The following TBC1D4 variants were observed in gnomAD, a reference collection of about 807,000 sequenced individuals.
TBC1D4 encodes TBC (Tre-2, BUB2, CDC16) domain-containing protein.
A neutral mutation model predicts 142.5 loss-of-function variants in TBC1D4; 121 were observed. The observed-to-expected ratio is 0.85, with a 90% confidence interval of 0.73 to 0.99. The LOEUF is 0.99. Among genes scored for constraint, TBC1D4 ranks in the 50% least tolerant of loss-of-function variants. The probability of loss-of-function intolerance (pLI) is 0.00; values close to 1 mark genes in which losing one functional copy is unlikely to be tolerated. For synonymous variants in TBC1D4, 630 were observed against 628.2 expected (o/e 1.00, Z -0.04); for missense variants, 1,475 against 1,606.6 (o/e 0.92, Z 1.40).
chr13:75,411,610 C>A (rs1241137310), intron 1 of TBC1D4, among the ~76,000 whole-genome samples: 1 of 152,034 alleles, frequency 6.6e-6, no homozygotes, highest in Non-Finnish European at 1.5e-5. Context: ...ACTGCAACCT[C>A]TGCCTCCTGG....
chr13:75,404,218 T>C, intron 1 of TBC1D4, among the ~76,000 whole-genome samples: 1 of 152,206 alleles, frequency 6.6e-6, no homozygotes, highest in Admixed American at 6.5e-5. Flanking sequence ...ATACATAGTA[T>C]TATTGTAGTA....
Position 75,333,885 on chromosome 13 carries a change from A to G in TBC1D4, c.1731+3036T>C, listed in dbSNP as rs372752347. Among the ~76,000 whole-genome samples the G allele has an allele frequency of 3.0e-4, 46 of 152,120 alleles. No individual in the cohort carries two copies. In the East Asian group the frequency reaches 3.1e-3, roughly 10 times the overall value. ...TTGTTATTTTGTAGACTCCACCTCAATTTGGGTTTGTTGACATTTCCCCTT... is the reference window on the plus strand; with the variant it reads ...TTGTTATTTTGTAGACTCCACCTCAGTTTGGGTTTGTTGACATTTCCCCTT... On this transcript the variant is annotated intron_variant, in intron 8 of 20. Coordinates refer to ENST00000377636, the MANE Select transcript of TBC1D4 (RefSeq NM_014832.5).
chr13:75,417,897 T>C (rs1327606218), intron 1 of TBC1D4, among the ~76,000 whole-genome samples: 1 of 152,186 alleles, frequency 6.6e-6, no homozygotes, highest in Non-Finnish European at 1.5e-5. Context: ...TATGCAATCT[T>C]GAGTAAGTCA....
At chr13:75,295,351 G>GA (rs879847527) in intron 17 of TBC1D4, among the ~76,000 whole-genome samples, 2 of 152,132 alleles carry the variant, frequency 1.3e-5, no homozygotes, top group African/African-American at 4.8e-5. Context: ...GAACCTCATA[G>GA]AAAATCCCTT....
At chr13:75,349,984 C>T in intron 4 of TBC1D4, among the ~76,000 whole-genome samples, 1 of 152,258 alleles carries the variant, frequency 6.6e-6, no homozygotes. Flanking sequence ...TTTTTTGTTC[C>T]TCCATGACCC....
intron 1 of TBC1D4, among the ~76,000 whole-genome samples, chr13:75,387,243 C>T (rs750565195): frequency 1.6e-4 from 24 of 152,098 alleles, no homozygotes; most frequent in Non-Finnish European, 2.6e-4. Context: ...ACTCAATCTG[C>T]CATGACATGA....
intron 1 of TBC1D4, among the ~76,000 whole-genome samples, chr13:75,407,738 T>A (rs1299945993): frequency 6.6e-6 from 1 of 151,944 alleles, no homozygotes. Context: ...TTTTTCTCTA[T>A]CCCAGTTAGT....
chr13:75,307,869 T>A lies in TBC1D4; in HGVS notation c.2594-1398A>T, dbSNP rs531187930. ...GCTTTATATTTCTCTGATAACCAAG[T>A]AATTTTTTAAAAGGTGTGGCTTTAT... On this transcript the variant is annotated intron_variant, in intron 14 of 20. Transcript: ENST00000377636. Among the ~76,000 whole-genome samples the A allele has an allele frequency of 3.9e-4, 60 of 152,338 alleles. 1 individual carries two copies. The South Asian group carries it at 0.012, about 31-fold the overall frequency.
intron 1 of TBC1D4, among the ~76,000 whole-genome samples, chr13:75,403,738 CTGTT>C (rs1885205536): frequency 6.6e-6 from 1 of 152,166 alleles, no homozygotes; most frequent in South Asian, 2.1e-4. Flanking sequence ...TTTCCCATCT[CTGTT>C]TGTGCTTACT....
At chr13:75,357,487 C>A (rs1882145419) in intron 3 of TBC1D4, among the ~76,000 whole-genome samples, 1 of 152,180 alleles carries the variant, frequency 6.6e-6, no homozygotes, top group African/African-American at 2.4e-5. Context: ...CTCACCTCCC[C>A]AACTCCAGCC....
intron 1 of TBC1D4, among the ~76,000 whole-genome samples, chr13:75,468,379 C>T (rs1405573569): frequency 2.6e-5 from 4 of 152,124 alleles, no homozygotes; most frequent in African/African-American, 4.8e-5. Flanking sequence ...TGAACTGAAA[C>T]TAAAAATAAA....
At chr13:75,294,020 T>C (rs1875615893) in intron 18 of TBC1D4, among the ~76,000 whole-genome samples, 1 of 152,178 alleles carries the variant, frequency 6.6e-6, no homozygotes, top group Non-Finnish European at 1.5e-5. Flanking sequence ...TATCAGAACA[T>C]AAAAATTAAG....
intron 1 of TBC1D4, among the ~76,000 whole-genome samples, chr13:75,419,585 T>C (rs916413009): frequency 1.3e-5 from 2 of 152,148 alleles, no homozygotes; most frequent in Non-Finnish European, 1.5e-5. Flanking sequence ...ATTTCTGAAA[T>C]TACAGCAGGA....
intron 14 of TBC1D4, 60 bp from the exon 15 acceptor site, chr13:75,306,531 G>A (rs2297209): frequency 0.5 from 799,863 of 1,585,050 alleles, 205,321 homozygotes; most frequent in South Asian, 0.65. Context: ...AACTTTAGAC[G>A]TTTGATTGTA....
chr13:75,409,771 G>A (rs1885519612), intron 1 of TBC1D4, among the ~76,000 whole-genome samples: 1 of 152,162 alleles, frequency 6.6e-6, no homozygotes, highest in South Asian at 2.1e-4. Context: ...CTTCTCTTTA[G>A]ACATGTATGT....
chr13:75,322,945 T>C (rs1843464559), intron 11 of TBC1D4, among the ~76,000 whole-genome samples: 1 of 152,180 alleles, frequency 6.6e-6, no homozygotes, highest in Non-Finnish European at 1.5e-5. Flanking sequence ...AAATTCACTG[T>C]TGGAACATGA....
rs1566381856 is a variant in TBC1D4, at chr13:75,326,418, G to A, written c.1812C>T (p.Tyr604=). The change falls in exon 10 of 21, where the codon TAC becomes TAT. Residue 604 remains tyrosine (Y), a synonymous_variant. Coordinates refer to ENST00000377636, the MANE Select transcript of TBC1D4 (RefSeq NM_014832.5). ...TCCCTGGTGGAGAATCCCCTGGTGAGTAGTCCTGAAACACAAGCGGAAGGG... is the reference window on the plus strand; with the variant it reads ...TCCCTGGTGGAGAATCCCCTGGTGAATAGTCCTGAAACACAAGCGGAAGGG... ...RSNSLASEKD[Y]SPGDSPPGTP... 1 of 1,614,198 alleles carries A rather than the reference G, an allele frequency of 6.2e-7. No individual in the cohort carries two copies. The highest frequency in any genetic ancestry group is 1.7e-5 in the Admixed American group (1 of 60,024).
chr13:75,468,360 TAACTG>T (rs975315892), intron 1 of TBC1D4, among the ~76,000 whole-genome samples: 4 of 152,190 alleles, frequency 2.6e-5, no homozygotes, highest in African/African-American at 9.7e-5. Context: ...GAAGCCTAAA[TAACTG>T]AACTGAACTG....
chr13:75,359,759 T>C lies in TBC1D4; in HGVS notation c.1170+10A>G. 2.5e-6 allele frequency: 4 copies of C among 1,593,562 alleles called. No homozygotes were observed. Among genetic ancestry groups the C allele is most frequent in the Non-Finnish European group, 2.6e-6 (3 of 1,161,484 alleles). ...TCTCTTCACATACTATGATATACTT[T>C]GATACATACCTGAGAACAAGAGGAG... On this transcript the variant is annotated intron_variant, in intron 3 of 20. Coordinates refer to ENST00000377636, the MANE Select transcript of TBC1D4 (RefSeq NM_014832.5).
Sources: allele counts gnomAD v4.1 joint callset (sites outside exome capture counted in the v4.1 genomes callset), GRCh38; gene constraint gnomAD v4.1.1; transcripts MANE v1.5; gene names NCBI Gene and HGNC (gene_info 2026-07-23, HGNC 2026-07-21).